Variants in SCLT1 observed in about 807,000 individuals in gnomAD.
SCLT1 encodes the protein sodium channel-associated protein 1.
A neutral mutation model predicts 112.8 loss-of-function variants in SCLT1; 78 were observed. The observed-to-expected ratio is 0.69, with a 90% CI of 0.58 to 0.83. SCLT1 has a LOEUF of 0.83. Ranked by LOEUF, SCLT1 falls within the 40% of genes least tolerant of loss-of-function variation. The pLI, the probability that SCLT1 is intolerant of heterozygous loss-of-function variation, is 0.00. For missense variants in SCLT1, 747 were observed against 770.4 expected (o/e 0.97, Z 0.36); for synonymous variants, 257 against 254.7 (o/e 1.01, Z -0.09).
intron 9 of SCLT1, chr4:128,971,136 T>G (rs1022125713): frequency 9.2e-5 from 14 of 152,166 alleles, no homozygotes; most frequent in African/African-American, 3.4e-4. Context: ...GAAAAAATGA[T>G]TTTTAATATC....
chr4:129,043,846 G>C, intron 3 of SCLT1, 147 bp downstream of exon 3: 1 of 590,540 alleles, frequency 1.7e-6, no homozygotes, highest in East Asian at 3.1e-5. Flanking sequence ...TGTAGACTCT[G>C]TAATACTTGC....
chr4:129,018,238 TC>T (rs2126116603), intron 5 of SCLT1, among the ~76,000 whole-genome samples: 1 of 152,306 alleles, frequency 6.6e-6, no homozygotes, highest in South Asian at 2.1e-4. Flanking sequence ...CAAACCCATA[TC>T]CTGAACTAGT....
intron 18 of SCLT1, among the ~76,000 whole-genome samples, chr4:128,900,783 C>G (rs1734215211): frequency 1.3e-5 from 2 of 152,102 alleles, no homozygotes; most frequent in South Asian, 4.1e-4. Flanking sequence ...ACTCATCTGA[C>G]AAAGGGCTAA....
intron 5 of SCLT1, chr4:128,873,266 AAAAAAAGAAAAAAAG>A (rs1238009024): frequency 1.1e-4 from 16 of 149,292 alleles, no homozygotes; most frequent in African/African-American, 4.0e-4. Flanking sequence ...GAAAAAAAAA[AAAAAAAGAAAAAAAG>A]AAAAAAAAAA....
chr4:128,915,127 C>A (rs984113431), intron 18 of SCLT1, among the ~76,000 whole-genome samples: 1 of 152,192 alleles, frequency 6.6e-6, no homozygotes, highest in Non-Finnish European at 1.5e-5. Context: ...AAGTGCCCAA[C>A]ACTATACTAT....
intron 2 of SCLT1, among the ~76,000 whole-genome samples, chr4:129,048,333 C>T (rs1157660421): frequency 6.6e-6 from 1 of 151,964 alleles, no homozygotes; most frequent in Non-Finnish European, 1.5e-5. Context: ...CACATATCTA[C>T]AACTATCTGA....
At chr4:128,993,657 A>T (rs1483215016) in intron 8 of SCLT1, among the ~76,000 whole-genome samples, 2 of 152,070 alleles carry the variant, frequency 1.3e-5, no homozygotes, top group Non-Finnish European at 2.9e-5. Flanking sequence ...GAGACTCGAG[A>T]AGGTGCAGGG....
intron 18 of SCLT1, among the ~76,000 whole-genome samples, chr4:128,894,548 C>G (rs902957818): frequency 6.6e-6 from 1 of 152,110 alleles, no homozygotes; most frequent in African/African-American, 2.4e-5. Context: ...TCAAACTTAA[C>G]AAGCCTAATA....
At chr4:128,942,556 CT>C (rs1195999467) in intron 17 of SCLT1, among the ~76,000 whole-genome samples, 1 of 152,026 alleles carries the variant, frequency 6.6e-6, no homozygotes, top group Admixed American at 6.6e-5. Context: ...TGCCTCTTGC[CT>C]TCTTCCTGCC....
intron 13 of SCLT1, among the ~76,000 whole-genome samples, chr4:128,956,197 C>G (rs1219055372): frequency 6.6e-6 from 1 of 152,116 alleles, no homozygotes; most frequent in Non-Finnish European, 1.5e-5. Flanking sequence ...TGACCTTCAT[C>G]AACCTCAAAA....
chr4:128,909,136 T>C (rs1391836549), intron 18 of SCLT1, among the ~76,000 whole-genome samples: 1 of 152,228 alleles, frequency 6.6e-6, no homozygotes, highest in African/African-American at 2.4e-5. Context: ...TTTCTCCTGA[T>C]CTTTATATCC....
At chr4:129,032,763 C>CGAAT (rs1746842726) in intron 5 of SCLT1, among the ~76,000 whole-genome samples, 1 of 151,372 alleles carries the variant, frequency 6.6e-6, no homozygotes, top group Admixed American at 6.6e-5. Context: ...TAGAGAAATG[C>CGAAT]GAATCAGAAC....
chr4:128,941,719 C>A (rs1012693160), intron 17 of SCLT1, among the ~76,000 whole-genome samples: 5 of 151,826 alleles, frequency 3.3e-5, no homozygotes, highest in African/African-American at 1.2e-4. Flanking sequence ...TTTTTTTGTG[C>A]TCTGTTTAAG....
intron 16 of SCLT1, 138 bp from the exon 17 acceptor site, chr4:128,943,326 T>C (rs909664094): frequency 2.0e-5 from 12 of 588,526 alleles, no homozygotes; most frequent in East Asian, 3.0e-5. Flanking sequence ...ACTGAAACTA[T>C]GTGGTTTCAA....
At chr4:129,021,117 G>C (rs919615501) in intron 5 of SCLT1, among the ~76,000 whole-genome samples, 1 of 152,156 alleles carries the variant, frequency 6.6e-6, no homozygotes. Flanking sequence ...ACAGAAGTAG[G>C]GTGGGGTGTC....
chr4:128,975,223 T>C (rs962212098), intron 9 of SCLT1, among the ~76,000 whole-genome samples: 13 of 151,726 alleles, frequency 8.6e-5, no homozygotes, highest in Admixed American at 6.6e-4. Context: ...TATTTTTCAG[T>C]AGAGACGGGG....
At chr4:129,000,385 C>G (rs1743371101) in intron 6 of SCLT1, among the ~76,000 whole-genome samples, 1 of 151,810 alleles carries the variant, frequency 6.6e-6, no homozygotes. Context: ...GCTATTTTTA[C>G]TTGCCATTTT....
chr4:128,989,031 G>C (rs1180082907), intron 9 of SCLT1, among the ~76,000 whole-genome samples: 1 of 151,886 alleles, frequency 6.6e-6, no homozygotes, highest in Non-Finnish European at 1.5e-5. Flanking sequence ...AATAACAGCT[G>C]AGAACTTCAA....
At chr4:129,004,995 G>A (rs570147228) in intron 5 of SCLT1, among the ~76,000 whole-genome samples, 1 of 151,540 alleles carries the variant, frequency 6.6e-6, no homozygotes, top group African/African-American at 2.4e-5. Flanking sequence ...AAAATGATCA[G>A]TATAGAAATA....
Sources: allele counts gnomAD v4.1 joint callset (sites outside exome capture counted in the v4.1 genomes callset), GRCh38; gene constraint gnomAD v4.1.1; transcripts MANE v1.5; gene names NCBI Gene and HGNC (gene_info 2026-07-23, HGNC 2026-07-21).